DTWD2: variants seen among roughly 807,000 people sequenced by gnomAD.
The protein encoded by DTWD2 is DTW motif tRNA-uridine aminocarboxypropyltransferase 2.
Under a neutral mutation model 31.8 loss-of-function variants are expected in DTWD2, and 39 were observed. The ratio of observed to expected loss-of-function variants is 1.22; its 90% CI spans 0.95 to 1.60. The LOEUF is 1.60. DTWD2 is among the 40% of genes most tolerant of loss of function. The pLI, the probability that DTWD2 is intolerant of heterozygous loss-of-function variation, is 0.00. For missense variants in DTWD2, 515 were observed against 381.5 expected (o/e 1.35, Z -2.92); for synonymous variants, 180 against 142.8 (o/e 1.26, Z -1.86).
At chr5:118,884,087 T>C (rs1469430882) in intron 4 of DTWD2, among the ~76,000 whole-genome samples, 2 of 152,212 alleles carry the variant, frequency 1.3e-5, no homozygotes, top group African/African-American at 4.8e-5. Context: ...ATGAAGACTA[T>C]GATGAACATT....
At chr5:118,937,345 A>G (rs986151611) in intron 3 of DTWD2, among the ~76,000 whole-genome samples, 1 of 151,664 alleles carries the variant, frequency 6.6e-6, no homozygotes, top group African/African-American at 2.4e-5. Context: ...TGTATACTTG[A>G]AAACAGCCAT....
chr5:118,934,431 A>T (rs2149581687), intron 3 of DTWD2, among the ~76,000 whole-genome samples: 1 of 151,880 alleles, frequency 6.6e-6, no homozygotes, highest in East Asian at 1.9e-4. Context: ...CAATAACACA[A>T]AAAATAGAAG....
At chr5:118,862,830 T>C (rs886996877) in intron 4 of DTWD2, among the ~76,000 whole-genome samples, 1 of 152,192 alleles carries the variant, frequency 6.6e-6, no homozygotes, top group Non-Finnish European at 1.5e-5. Context: ...GTGATTAGTT[T>C]AGGGGTCATC....
rs763921185 is a variant in DTWD2 at position 118,838,861 on chromosome 5, G to A, written c.*2056C>T. 1 of 152,016 alleles carries A rather than the reference G, an allele frequency of 6.6e-6. No homozygotes were observed. The highest frequency in any genetic ancestry group is 1.5e-5 in the Non-Finnish European group (1 of 68,006). 9.4% of individuals were successfully genotyped at this position (152,016 alleles called of 1,614,324 possible). A position where few individuals can be genotyped will look rare whatever the true frequency, so the allele number is the denominator to read the frequency against. On this transcript the variant is annotated 3_prime_UTR_variant, in exon 6 of 6. Transcript: ENST00000510708. ...TGAGATACAAAATGGTATACTGGGG[G>A]TAGGGGGAGTTTTCTTTTTAAAAAA...
At chr5:118,960,222 G>A (rs1031989532) in intron 1 of DTWD2, among the ~76,000 whole-genome samples, 1 of 151,814 alleles carries the variant, frequency 6.6e-6, no homozygotes, top group Non-Finnish European at 1.5e-5. Context: ...GAATCTACAA[G>A]AAACTTAAAT....
At chr5:118,862,840 C>G (rs1752293267) in intron 4 of DTWD2, among the ~76,000 whole-genome samples, 1 of 152,178 alleles carries the variant, frequency 6.6e-6, no homozygotes, top group Admixed American at 6.5e-5. Flanking sequence ...TAGGGGTCAT[C>G]ATATGAGCCA....
At chr5:118,957,647 A>G (rs553861726) in intron 1 of DTWD2, among the ~76,000 whole-genome samples, 8 of 152,306 alleles carry the variant, frequency 5.3e-5, no homozygotes, top group African/African-American at 1.9e-4. Flanking sequence ...AGCCTCCCAC[A>G]AAGGAATAGA....
intron 1 of DTWD2, among the ~76,000 whole-genome samples, chr5:118,970,287 C>T (rs1040079845): frequency 6.6e-6 from 1 of 152,170 alleles, no homozygotes. Flanking sequence ...ATTAGCCAAG[C>T]ATGGTGGTGT....
chr5:118,860,288 A>C (rs1055421310), intron 4 of DTWD2, among the ~76,000 whole-genome samples: 1 of 150,560 alleles, frequency 6.6e-6, no homozygotes, highest in Non-Finnish European at 1.5e-5. Flanking sequence ...TCTTACACAA[A>C]ATGTATGCTA....
At chr5:118,980,979 G>T (rs1227188003) in intron 1 of DTWD2, among the ~76,000 whole-genome samples, 1 of 152,110 alleles carries the variant, frequency 6.6e-6, no homozygotes. Context: ...ATGGATAATA[G>T]ATCAACAAAA....
intron 1 of DTWD2, among the ~76,000 whole-genome samples, chr5:118,960,130 C>CT (rs1754674602): frequency 6.6e-6 from 1 of 151,992 alleles, no homozygotes; most frequent in Admixed American, 6.6e-5. Flanking sequence ...GCAAAAGAAA[C>CT]TTATCAACAG....
At chr5:118,857,510 T>G (rs1044704984) in intron 4 of DTWD2, among the ~76,000 whole-genome samples, 8 of 152,206 alleles carry the variant, frequency 5.3e-5, no homozygotes, top group African/African-American at 1.9e-4. Context: ...TTTACAAAAA[T>G]TGGGCTGTCT....
intron 4 of DTWD2, among the ~76,000 whole-genome samples, chr5:118,874,480 C>T (rs1442101230): frequency 2.6e-5 from 4 of 152,096 alleles, no homozygotes; most frequent in South Asian, 2.1e-4. Context: ...AATGCAGGTG[C>T]TGATAGACAA....
chr5:118,865,703 C>G (rs916633734), intron 4 of DTWD2, among the ~76,000 whole-genome samples: 1 of 152,132 alleles, frequency 6.6e-6, no homozygotes, highest in Non-Finnish European at 1.5e-5. Flanking sequence ...TTTTTTAAAG[C>G]TAGCAAACTG....
chr5:118,972,810 T>C (rs1755017954), intron 1 of DTWD2, among the ~76,000 whole-genome samples: 1 of 152,168 alleles, frequency 6.6e-6, no homozygotes, highest in Admixed American at 6.5e-5. Context: ...GGATCCAAGG[T>C]TGGTTCAACA....
intron 1 of DTWD2, among the ~76,000 whole-genome samples, chr5:118,975,380 A>C (rs1351205448): frequency 6.6e-6 from 1 of 152,050 alleles, no homozygotes; most frequent in East Asian, 1.9e-4. Flanking sequence ...TCCATCAGGT[A>C]ATTTATGTTA....
At chr5:118,957,162 G>C (rs1754605142) in intron 1 of DTWD2, among the ~76,000 whole-genome samples, 1 of 151,958 alleles carries the variant, frequency 6.6e-6, no homozygotes, top group African/African-American at 2.4e-5. Context: ...TTCCTTACTA[G>C]ATTCTCTTAT....
chr5:118,941,707 C>T (rs1754206030), intron 2 of DTWD2, among the ~76,000 whole-genome samples: 1 of 152,178 alleles, frequency 6.6e-6, no homozygotes, highest in Non-Finnish European at 1.5e-5. Flanking sequence ...AATGGGATGG[C>T]TGGGTCAAAT....
intron 1 of DTWD2, among the ~76,000 whole-genome samples, chr5:118,945,774 A>AAAGAAAGAAAGAAAGAAAGAAAG: frequency 7.4e-6 from 1 of 134,304 alleles, no homozygotes; most frequent in African/African-American, 2.9e-5. Flanking sequence ...CAAAAAAAAA[A>AAAGAAAGAAAGAAAGAAAGAAAG]AAAGAAAGAA....
Sources: allele counts gnomAD v4.1 joint callset (sites outside exome capture counted in the v4.1 genomes callset), GRCh38; gene constraint gnomAD v4.1.1; transcripts MANE v1.5; gene names NCBI Gene and HGNC (gene_info 2026-07-23, HGNC 2026-07-21).